The following PHF14 variants were observed in gnomAD, a reference collection of about 807,000 sequenced individuals.
PHF14 encodes PHD finger protein 14.
In PHF14, 55 loss-of-function variants were observed where a neutral mutation model predicts 117.9. The observed-to-expected ratio is 0.47, with a 90% CI of 0.38 to 0.58. PHF14 has a LOEUF of 0.58. Among genes scored for constraint, PHF14 ranks in the 20% least tolerant of loss-of-function variants. The pLI is 0.00. For missense variants in PHF14, 978 were observed against 1,122.2 expected (o/e 0.87, Z 1.84); for synonymous variants, 409 against 368.6 (o/e 1.11, Z -1.26).
chr7:11,125,254 T>A (rs1479530724), intron 17 of PHF14, among the ~76,000 whole-genome samples: 1 of 152,046 alleles, frequency 6.6e-6, no homozygotes, highest in East Asian at 1.9e-4. Context: ...AGTTGTGAAG[T>A]TTGAAAACCA....
chr7:11,004,246 CAAAA>C (rs55917513), intron 4 of PHF14, among the ~76,000 whole-genome samples: 3 of 51,278 alleles, frequency 5.9e-5, no homozygotes, highest in South Asian at 8.0e-4. Context: ...GACTTTGTCT[CAAAA>C]AAAAAAAAAA....
intron 16 of PHF14, among the ~76,000 whole-genome samples, chr7:11,086,587 CA>C (rs1786418487): frequency 1.3e-5 from 2 of 151,964 alleles, no homozygotes; most frequent in South Asian, 4.1e-4. Context: ...GGTCCGAAGC[CA>C]ATGCTTATCA....
intron 17 of PHF14, among the ~76,000 whole-genome samples, chr7:11,139,616 G>T (rs573542476): frequency 6.6e-6 from 1 of 152,250 alleles, no homozygotes; most frequent in South Asian, 2.1e-4. Flanking sequence ...TTTAAATGAA[G>T]AATGTATCTA....
chr7:11,038,209 C>A lies in PHF14; in HGVS notation c.1981-551C>A, dbSNP rs139941640. 7.5e-3 allele frequency among the ~76,000 whole-genome samples: 1,145 copies of A among 151,958 alleles called. 11 individuals are homozygous for A. Among genetic ancestry groups the A allele is most frequent in the African/African-American group, 0.024 (999 of 41,450 alleles). On this transcript the variant is annotated intron_variant, in intron 10 of 17. Coordinates refer to ENST00000634607, the MANE Select transcript of PHF14 (RefSeq NM_001007157.2). ...CAGGTGGATCACGAGGTCAAGAGAT[C>A]GAGACCATCCTAGGAGTTTGAGACC... is the stretch of plus-strand genomic sequence containing the variant.
chr7:11,137,693 C>T (rs1449717833), intron 17 of PHF14, among the ~76,000 whole-genome samples: 1 of 144,856 alleles, frequency 6.9e-6, no homozygotes, highest in African/African-American at 2.6e-5. Context: ...TCAAGCGATT[C>T]TCCTACCTCA....
chr7:11,047,177 T>G (rs944113585), intron 13 of PHF14, among the ~76,000 whole-genome samples: 1 of 151,986 alleles, frequency 6.6e-6, no homozygotes, highest in Non-Finnish European at 1.5e-5. Flanking sequence ...CAAGCAATTC[T>G]CCTGCCTCAG....
chr7:11,008,718 C>G (rs532295477), intron 4 of PHF14, among the ~76,000 whole-genome samples: 9 of 152,238 alleles, frequency 5.9e-5, no homozygotes, highest in Non-Finnish European at 1.3e-4. Flanking sequence ...TACTGTCTTT[C>G]TCGTAAACAA....
In PHF14 at chr7:11,144,613, A is replaced by G. The variant is rs142033631; in HGVS notation, c.2773-24803A>G. 7.0e-4 allele frequency among the ~76,000 whole-genome samples: 104 copies of G among 148,524 alleles called. 1 individual carries two copies. The East Asian group carries it at 0.02, about 28-fold the overall frequency. ...TAATGTAATATATTTATATAATAAT[A>G]TATAATTATATTTACTAATGTTCCT... On this transcript the variant is annotated intron_variant, in intron 17 of 17. Coordinates refer to ENST00000634607, the MANE Select transcript of PHF14 (RefSeq NM_001007157.2).
chr7:11,081,089 A>G (rs1414988873), intron 16 of PHF14, among the ~76,000 whole-genome samples: 1 of 152,190 alleles, frequency 6.6e-6, no homozygotes, highest in Non-Finnish European at 1.5e-5. Context: ...ATATGTATAT[A>G]TATGTGAGTG....
intron 14 of PHF14, among the ~76,000 whole-genome samples, chr7:11,057,155 A>G (rs1207845753): frequency 6.6e-6 from 1 of 152,152 alleles, no homozygotes; most frequent in East Asian, 1.9e-4. Context: ...TGTGAAGCCT[A>G]GTTTACTGAT....
chr7:11,103,000 A>G lies in PHF14; in HGVS notation c.2655-8350A>G, dbSNP rs184072342. On this transcript the variant is annotated intron_variant, in intron 16 of 17. Coordinates refer to ENST00000634607, the MANE Select transcript of PHF14 (RefSeq NM_001007157.2). ...ATACAAATAACAAACAAGAAAGACA[A>G]TGCATTCCATTAGTCTGCTATTCTG... 16 of 994,620 alleles carry G rather than the reference A, an allele frequency of 1.6e-5. No individual in the cohort carries two copies. The East Asian group carries it at 4.1e-4, about 25-fold the overall frequency. 61.6% of individuals were successfully genotyped at this position (994,620 alleles called of 1,614,324 possible).
chr7:10,987,845 T>C (rs993350674), intron 3 of PHF14, among the ~76,000 whole-genome samples: 6 of 151,888 alleles, frequency 4.0e-5, no homozygotes, highest in African/African-American at 1.4e-4. Flanking sequence ...CTTAAACTTG[T>C]GTTTGATCTG....
rs1781775445 is a variant in PHF14, at chr7:10,974,084, G to C, written c.-240G>C. The C allele has an allele frequency of 1.0e-5, 5 of 491,970 alleles. No homozygotes were observed. The highest frequency in any genetic ancestry group is 1.8e-5 in the Non-Finnish European group (5 of 271,924). The allele number at this position is 491,970 out of a possible 1,614,324, so 30.5% of individuals were successfully genotyped here. On this transcript the variant is annotated 5_prime_UTR_variant, in exon 1 of 18. Transcript: ENST00000634607. ...GCTGCCTGGGCCGGAGGTCTTCTCC[G>C]GCCAGGGAGCGCTGTGGGAAGGGGC...
intron 17 of PHF14, among the ~76,000 whole-genome samples, chr7:11,166,243 T>C (rs916229040): frequency 9.2e-5 from 14 of 152,092 alleles, no homozygotes; most frequent in African/African-American, 2.7e-4. Context: ...ATGTCAAACT[T>C]GTCAGGGCTG....
intron 17 of PHF14, among the ~76,000 whole-genome samples, chr7:11,141,475 A>G (rs1428483798): frequency 2.0e-5 from 3 of 152,094 alleles, no homozygotes; most frequent in Admixed American, 6.6e-5. Context: ...AAAAGTATAT[A>G]TATCTCACAG....
At chr7:10,995,776 C>G (rs1782622868) in intron 4 of PHF14, among the ~76,000 whole-genome samples, 1 of 152,184 alleles carries the variant, frequency 6.6e-6, no homozygotes, top group Non-Finnish European at 1.5e-5. Context: ...GGTGCACCCT[C>G]CACAGCTGCT....
chr7:11,047,853 G>A, intron 13 of PHF14, among the ~76,000 whole-genome samples: 1 of 130,850 alleles, frequency 7.6e-6, no homozygotes. Flanking sequence ...AAGGGAGGGA[G>A]GGAGGGCGGG....
intron 17 of PHF14, among the ~76,000 whole-genome samples, chr7:11,143,583 T>C (rs1583498670): frequency 6.6e-6 from 1 of 152,160 alleles, no homozygotes; most frequent in Non-Finnish European, 1.5e-5. Context: ...AAATAAAAGA[T>C]AAAGAAAATA....
rs916122913 is a variant in PHF14, at chr7:11,026,722, G to T, written c.1318-1959G>T. 4.6e-3 allele frequency among the ~76,000 whole-genome samples: 576 copies of T among 125,742 alleles called. 7 individuals are homozygous for T. Among genetic ancestry groups the T allele is most frequent in the Middle Eastern group, 4.5e-3 (1 of 222 alleles). The allele number at this position is 125,742 out of a possible 152,430, so 82.5% of individuals were successfully genotyped here. On this transcript the variant is annotated intron_variant, in intron 6 of 17. Coordinates refer to ENST00000634607, the MANE Select transcript of PHF14 (RefSeq NM_001007157.2). The stretch of plus-strand genomic sequence containing the variant: ...TGGCTGTTGTGGTTAGTTGAAGCTT[G>T]TTTTTTTTTTTTTTTTAAATTTAAT...
Sources: allele counts gnomAD v4.1 joint callset (sites outside exome capture counted in the v4.1 genomes callset), GRCh38; gene constraint gnomAD v4.1.1; transcripts MANE v1.5; gene names NCBI Gene and HGNC (gene_info 2026-07-23, HGNC 2026-07-21).